The following PTPRE variants were observed in gnomAD, a reference collection of about 807,000 sequenced individuals.
PTPRE encodes the protein protein tyrosine phosphatase receptor type E, also known as receptor-type tyrosine-protein phosphatase epsilon.
Under a neutral mutation model 102.0 loss-of-function variants are expected in PTPRE, and 51 were observed. The ratio of observed to expected loss-of-function variants is 0.50; its 90% CI spans 0.40 to 0.63. The LOEUF is 0.63. Among genes scored for constraint, PTPRE ranks in the 30% least tolerant of loss-of-function variants. PTPRE has a pLI of 0.00. For missense variants in PTPRE, 752 were observed against 915.1 expected (o/e 0.82, Z 2.30); for synonymous variants, 345 against 348.2 (o/e 0.99, Z 0.10).
chr10:127,937,978 A>G (rs1847953992), intron 1 of PTPRE, among the ~76,000 whole-genome samples: 1 of 152,196 alleles, frequency 6.6e-6, no homozygotes, highest in Admixed American at 6.5e-5. Context: ...AGAATAATTC[A>G]AGTAGGTAAC....
rs555685240 is a variant in PTPRE at position 128,077,683 on chromosome 10, A to G, written c.1792A>G (p.Ile598Val). 47 of 1,613,740 alleles carry G rather than the reference A, an allele frequency of 2.9e-5. No homozygotes were observed. The highest frequency in any genetic ancestry group is 5.3e-5 in the African/African-American group (4 of 74,934). The change falls in exon 19 of 21, where the codon ATC becomes GTC. Residue 598 changes from isoleucine (I) to valine (V), a missense_variant. By Grantham distance (29) the Ile-to-Val change is conservative (BLOSUM62 3). This residue lies in a region of PTPRE where 636 missense variants were observed against 824.4 expected (regional missense o/e 0.77). Transcript: ENST00000254667. ...GTTTCACTTCCACGGCTGGCCTGAG[A>G]TCGGGATTCCCGCCGAGGGCAAAGG... ...RQFHFHGWPE[I>V]GIPAEGKGMI...
chr10:128,021,738 G>A (rs1845907437), intron 2 of PTPRE, among the ~76,000 whole-genome samples: 1 of 152,212 alleles, frequency 6.6e-6, no homozygotes, highest in African/African-American at 2.4e-5. Context: ...AGCAGGTCAC[G>A]GGACCACAGG....
intron 10 of PTPRE, among the ~76,000 whole-genome samples, chr10:128,064,896 G>A (rs1849924308): frequency 6.6e-6 from 1 of 152,232 alleles, no homozygotes; most frequent in South Asian, 2.1e-4. Flanking sequence ...TGATCGGGTG[G>A]GAGGGAGGCA....
chr10:128,062,036 G>A (rs1849643557), intron 9 of PTPRE, among the ~76,000 whole-genome samples: 1 of 152,160 alleles, frequency 6.6e-6, no homozygotes, highest in African/African-American at 2.4e-5. Flanking sequence ...TGGGCGAGGG[G>A]TTAGTGGGGT....
intron 9 of PTPRE, 28 bp downstream of exon 9, chr10:128,061,743 AT>A (rs1238646984): frequency 6.4e-7 from 1 of 1,573,702 alleles, no homozygotes; most frequent in Non-Finnish European, 8.6e-7. Flanking sequence ...TTCTCAACGT[AT>A]TTTTGGTAAC....
chr10:128,013,271 A>G (rs1420840606), intron 2 of PTPRE, among the ~76,000 whole-genome samples: 1 of 152,180 alleles, frequency 6.6e-6, no homozygotes, highest in South Asian at 2.1e-4. Context: ...AGGGTGGCAA[A>G]GAGAGTGTTC....
rs543719690 is a variant in PTPRE, at chr10:128,041,047, C to A, written c.109+57C>A. 11 of 1,451,658 alleles carry A rather than the reference C, an allele frequency of 7.6e-6. No individual in the cohort carries two copies. In the African/African-American group the frequency reaches 1.4e-4, roughly 18 times the overall value. The allele number at this position is 1,451,658 out of a possible 1,614,324, so 89.9% of individuals were successfully genotyped here. On this transcript the variant is annotated intron_variant, in intron 3 of 20. Coordinates refer to ENST00000254667, the MANE Select transcript of PTPRE (RefSeq NM_006504.6). ...ACTACCTCCTCCTAAGCTCCTGGGA[C>A]CATTCAGAGGGTGATAAAGGGGCTT...
chr10:128,058,517 A>G (rs573646258), intron 7 of PTPRE, among the ~76,000 whole-genome samples: 33 of 152,250 alleles, frequency 2.2e-4, no homozygotes, highest in African/African-American at 6.7e-4. Context: ...CACTTCTCAC[A>G]TGGGTGGAAA....
intron 1 of PTPRE, among the ~76,000 whole-genome samples, chr10:127,922,164 T>C (rs1404303421): frequency 6.6e-6 from 1 of 152,224 alleles, no homozygotes; most frequent in African/African-American, 2.4e-5. Flanking sequence ...CAGAGATCAC[T>C]CCCAGCAGCC....
intron 2 of PTPRE, among the ~76,000 whole-genome samples, chr10:127,985,590 T>A (rs1011808806): frequency 1.1e-4 from 16 of 151,870 alleles, no homozygotes; most frequent in African/African-American, 3.4e-4. Context: ...TCTCAAAAAA[T>A]AAAAATAAAA....
At chr10:128,001,628 T>A (rs1316180037) in intron 2 of PTPRE, among the ~76,000 whole-genome samples, 1 of 152,132 alleles carries the variant, frequency 6.6e-6, no homozygotes, top group African/African-American at 2.4e-5. Context: ...TGGCAGCTGC[T>A]CAGGTCCCCT....
At chr10:128,026,203 GC>G (rs934962354) in intron 2 of PTPRE, among the ~76,000 whole-genome samples, 2 of 152,210 alleles carry the variant, frequency 1.3e-5, no homozygotes, top group Non-Finnish European at 2.9e-5. Flanking sequence ...TCTCTGGTTG[GC>G]CAGCCAGGTG....
chr10:128,069,626 C>CG (rs1850586367), intron 12 of PTPRE, 66 bp from the exon 13 acceptor site: 1 of 1,595,012 alleles, frequency 6.3e-7, no homozygotes, highest in Admixed American at 1.7e-5. Flanking sequence ...CAGGCCCCTT[C>CG]GGGGCCTTTC....
chr10:127,932,579 C>T (rs1847525346), intron 1 of PTPRE, among the ~76,000 whole-genome samples: 1 of 152,228 alleles, frequency 6.6e-6, no homozygotes, highest in African/African-American at 2.4e-5. Flanking sequence ...TCTGCTTTCC[C>T]TGCAGCAACA....
Position 128,037,367 on chromosome 10 carries a change from G to T in PTPRE, c.-7-3508G>T, listed in dbSNP as rs369910667. Among the ~76,000 whole-genome samples the T allele has an allele frequency of 3.3e-5, 5 of 152,264 alleles. No individual in the cohort carries two copies. The East Asian group carries it at 7.7e-4, about 24-fold the overall frequency. On this transcript the variant is annotated intron_variant, in intron 2 of 20. Coordinates refer to ENST00000254667, the MANE Select transcript of PTPRE (RefSeq NM_006504.6). ...CTCACTCACTGCACTGCATTTCTGG[G>T]GAAGGTTTCATTAACTGCCAAGAGG...
At chr10:127,923,720 A>G (rs993232499) in intron 1 of PTPRE, among the ~76,000 whole-genome samples, 2 of 152,220 alleles carry the variant, frequency 1.3e-5, no homozygotes, top group Non-Finnish European at 2.9e-5. Flanking sequence ...CAGAAACTCT[A>G]TCAAGATATC....
At chr10:127,952,644 A>G (rs1021547647) in intron 1 of PTPRE, among the ~76,000 whole-genome samples, 2 of 151,952 alleles carry the variant, frequency 1.3e-5, no homozygotes, top group Non-Finnish European at 2.9e-5. Flanking sequence ...TACTCAGCCT[A>G]TAGGGAACCG....
At chr10:128,067,408 AC>A (rs1850337253) in intron 11 of PTPRE, among the ~76,000 whole-genome samples, 1 of 148,136 alleles carries the variant, frequency 6.8e-6, no homozygotes, top group South Asian at 2.2e-4. Flanking sequence ...ACATACACGC[AC>A]ATGGGTGCAC....
intron 1 of PTPRE, among the ~76,000 whole-genome samples, chr10:127,971,520 A>G (rs1009945570): frequency 1.3e-5 from 2 of 152,298 alleles, no homozygotes; most frequent in Middle Eastern, 3.4e-3. Flanking sequence ...CGAGAGCCCC[A>G]TGCATGGTGC....
Sources: allele counts gnomAD v4.1 joint callset (sites outside exome capture counted in the v4.1 genomes callset), GRCh38; gene constraint gnomAD v4.1.1; regional missense constraint gnomAD v4.1.1; transcripts MANE v1.5; gene names NCBI Gene and HGNC (gene_info 2026-07-23, HGNC 2026-07-21).